The following GDAP1 variants were observed in gnomAD, a reference collection of about 807,000 sequenced individuals.
GDAP1 encodes ganglioside-induced differentiation-associated protein 1.
Under a neutral mutation model 40.1 loss-of-function variants are expected in GDAP1, and 34 were observed. That is an observed-to-expected ratio of 0.85 (90% confidence interval 0.64 to 1.13). The LOEUF (loss-of-function observed/expected upper bound fraction) is 1.13, where lower values mean the gene tolerates loss of function less well. GDAP1 is among the 50% of genes most tolerant of loss of function. GDAP1 has a pLI of 0.00. For missense variants in GDAP1, 374 were observed against 433.7 expected (o/e 0.86, Z 1.22); for synonymous variants, 170 against 157.4 (o/e 1.08, Z -0.60).
At chr8:74,386,661 T>C (rs1810030090) in intron 2 of GDAP1, among the ~76,000 whole-genome samples, 1 of 152,178 alleles carries the variant, frequency 6.6e-6, no homozygotes, top group Admixed American at 6.5e-5. Flanking sequence ...TTGTCTTGGC[T>C]ATACAGGCTC....
intron 2 of GDAP1, among the ~76,000 whole-genome samples, chr8:74,438,325 C>A (rs1806119416): frequency 1.3e-5 from 2 of 152,030 alleles, no homozygotes; most frequent in African/African-American, 4.8e-5. Context: ...ACGTGCACTT[C>A]CAACCTAACT....
At chr8:74,399,238 G>C (rs1408710188) in intron 2 of GDAP1, among the ~76,000 whole-genome samples, 1 of 144,946 alleles carries the variant, frequency 6.9e-6, no homozygotes, top group Non-Finnish European at 1.5e-5. Flanking sequence ...CCTGTTATTG[G>C]TCTATTCAGA....
At chr8:74,442,421 T>C (rs1038880942) in intron 2 of GDAP1, among the ~76,000 whole-genome samples, 1 of 152,232 alleles carries the variant, frequency 6.6e-6, no homozygotes, top group Non-Finnish European at 1.5e-5. Flanking sequence ...CCGACACTTT[T>C]TTTGTTCATT....
At chr8:74,465,745 A>G (rs1183856027) in intron 2 of GDAP1, among the ~76,000 whole-genome samples, 3 of 149,446 alleles carry the variant, frequency 2.0e-5, no homozygotes, top group Non-Finnish European at 4.4e-5. Context: ...CTTCAGGCAC[A>G]CTGATAATTT....
At position 74,374,316 on chromosome 8, in the gene GDAP1, A is replaced by G. The variant is rs568473532; in HGVS notation, c.165+22995A>G. 2.0e-4 allele frequency among the ~76,000 whole-genome samples: 31 copies of G among 152,334 alleles called. No homozygotes were observed. The South Asian group carries it at 6.4e-3, about 32-fold the overall frequency. ...TCCCTTGTTTTCTATTGATTGGAATAGTTTCAGAAGGAATGGTACCAGCTC... is the reference window on the plus strand; with the variant it reads ...TCCCTTGTTTTCTATTGATTGGAATGGTTTCAGAAGGAATGGTACCAGCTC... On this transcript the variant is annotated intron_variant, in intron 2 of 2. Coordinates refer to the GDAP1 transcript ENST00000523640.
Position 74,365,343 on chromosome 8 carries a change from G to A in GDAP1, c.*976G>A, listed in dbSNP as rs1167800911. On this transcript the variant is annotated 3_prime_UTR_variant, in exon 6 of 6. Coordinates refer to ENST00000220822, the MANE Select transcript of GDAP1 (RefSeq NM_018972.4). ...CTTAGCACTTGGCAGTTAATCTAGG[G>A]AAGATGAATTAAATGGGTAGATAGT... 2.2e-6 allele frequency: 1 copy of A among 453,864 alleles called. No individual in the cohort carries two copies. The highest frequency in any genetic ancestry group is 4.4e-6 in the Non-Finnish European group (1 of 226,790). 28.1% of individuals were successfully genotyped at this position (453,864 alleles called of 1,614,324 possible). A position where few individuals can be genotyped will look rare whatever the true frequency, so the allele number is the denominator to read the frequency against.
chr8:74,441,643 C>T (rs1337307697), intron 2 of GDAP1, among the ~76,000 whole-genome samples: 2 of 152,090 alleles, frequency 1.3e-5, no homozygotes, highest in Non-Finnish European at 2.9e-5. Flanking sequence ...GCAAAGTCCT[C>T]AAAACTTCCA....
chr8:74,418,622 C>T (rs1334122573), intron 2 of GDAP1, among the ~76,000 whole-genome samples: 1 of 152,126 alleles, frequency 6.6e-6, no homozygotes, highest in East Asian at 1.9e-4. Context: ...GCAAAGAAAT[C>T]TTAGGCATGA....
chr8:74,436,006 G>A (rs960389025), intron 2 of GDAP1, among the ~76,000 whole-genome samples: 1 of 152,186 alleles, frequency 6.6e-6, no homozygotes, highest in Non-Finnish European at 1.5e-5. Context: ...GCATCCTGTT[G>A]TGCTGATTCC....
intron 2 of GDAP1, among the ~76,000 whole-genome samples, chr8:74,356,717 T>TATATATATA (rs1554547167): frequency 8.1e-4 from 18 of 22,256 alleles, no homozygotes; most frequent in African/African-American, 1.2e-3. Context: ...TATATATATA[T>TATATATATA]TTTTTTTTTT....
At chr8:74,378,790 T>A (rs751197026) in intron 2 of GDAP1, among the ~76,000 whole-genome samples, 1 of 152,168 alleles carries the variant, frequency 6.6e-6, no homozygotes, top group Non-Finnish European at 1.5e-5. Flanking sequence ...CACTCACACA[T>A]ATGTATATAT....
At chr8:74,372,711 T>A (rs1452990872) in intron 2 of GDAP1, among the ~76,000 whole-genome samples, 1 of 152,314 alleles carries the variant, frequency 6.6e-6, no homozygotes, top group African/African-American at 2.4e-5. Context: ...TCCCTTTCTA[T>A]AGGTTGCCTG....
chr8:74,362,717 TGGTGG>T lies in GDAP1; in HGVS notation c.580-220_580-216del, dbSNP rs552239166. ...TGGCCTCATAGGAGCTGCCAGTGAG[TGGTGG>T]GTCTGCTCCTGGGTCATTTTCACAG... On this transcript the variant is annotated intron_variant, in intron 4 of 5. Transcript: ENST00000220822. 1.1e-3 allele frequency among the ~76,000 whole-genome samples: 168 copies of T among 150,040 alleles called. 1 individual carries two copies. The highest frequency in any genetic ancestry group is 0.01 in the Middle Eastern group (3 of 288).
Position 74,355,427 on chromosome 8 carries a change from C to A in GDAP1, c.310+3961C>A, listed in dbSNP as rs147939754. On this transcript the variant is annotated intron_variant, in intron 2 of 5. Transcript: ENST00000220822. The stretch of plus-strand genomic sequence containing the variant: ...CTGATAATTCCAAATCTGTCCTTAA[C>A]ATATATACTTGCTATTACTGTACAG... 1.1e-4 allele frequency among the ~76,000 whole-genome samples: 16 copies of A among 152,326 alleles called. No homozygotes were observed. The East Asian group carries it at 1.7e-3, about 17-fold the overall frequency.
chr8:74,461,310 C>A (rs552659341), intron 2 of GDAP1, among the ~76,000 whole-genome samples: 2 of 152,266 alleles, frequency 1.3e-5, no homozygotes, highest in East Asian at 3.9e-4. Flanking sequence ...GCTCTGCTCT[C>A]TAAAGCCTAT....
At chr8:74,372,881 A>G (rs1436092251) in intron 2 of GDAP1, among the ~76,000 whole-genome samples, 2 of 152,268 alleles carry the variant, frequency 1.3e-5, no homozygotes, top group Admixed American at 6.5e-5. Flanking sequence ...GTTTTCTTCT[A>G]GGGTTTTTAT....
intron 2 of GDAP1, among the ~76,000 whole-genome samples, chr8:74,477,799 G>A (rs1156534992): frequency 6.6e-6 from 1 of 152,126 alleles, no homozygotes; most frequent in Non-Finnish European, 1.5e-5. Flanking sequence ...GCAGTGCAGT[G>A]CACTGCACAC....
Position 74,351,321 on chromosome 8 carries a change from T to G in GDAP1, c.165T>G (p.Asp55Glu). 1 of 1,614,224 alleles carries G rather than the reference T, an allele frequency of 6.2e-7. No homozygotes were observed. Among genetic ancestry groups the G allele is most frequent in the Non-Finnish European group, 8.5e-7 (1 of 1,180,002 alleles). Residue 55 changes from aspartate to glutamate, a missense_variant, in exon 2 of 6, where the codon GAT becomes GAG. By Grantham distance (45) the Asp-to-Glu change is conservative. Transcript: ENST00000220822. ...AEKALKCEEH[D>E]VSLPLSEHNE... Reference sequence around the variant, plus strand: ...AGGCATTGAAGTGCGAGGAACATGATGTAAGTCTGCCCTTGAGTGAGCACA... The same window carrying G: ...AGGCATTGAAGTGCGAGGAACATGAGGTAAGTCTGCCCTTGAGTGAGCACA...
chr8:74,456,790 C>T (rs543208453), intron 2 of GDAP1, among the ~76,000 whole-genome samples: 17 of 151,818 alleles, frequency 1.1e-4, no homozygotes, highest in Non-Finnish European at 1.8e-4. Flanking sequence ...CACAGGTTCA[C>T]GGTAGGAAAG....
Sources: allele counts gnomAD v4.1 joint callset (sites outside exome capture counted in the v4.1 genomes callset), GRCh38; gene constraint gnomAD v4.1.1; transcripts MANE v1.5; gene names NCBI Gene and HGNC (gene_info 2026-07-23, HGNC 2026-07-21).